The following ZDHHC12 variants were observed in gnomAD, a reference collection of about 807,000 sequenced individuals.
ZDHHC12 encodes palmitoyltransferase ZDHHC12.
Under a neutral mutation model 33.2 loss-of-function variants are expected in ZDHHC12, and 26 were observed. The observed-to-expected ratio is 0.78, with a 90% CI of 0.57 to 1.09. ZDHHC12 has a LOEUF of 1.09. Ranked by LOEUF, ZDHHC12 falls within the 50% of genes least tolerant of loss-of-function variation. The pLI, the probability that ZDHHC12 is intolerant of heterozygous loss-of-function variation, is 0.00. For synonymous variants in ZDHHC12, 154 were observed against 152.1 expected, an observed-to-expected ratio of 1.01 and a Z score of -0.09; for missense variants, 350 against 353.0, an observed-to-expected ratio of 0.99 and a Z score of 0.07.
At position 128,722,897 on chromosome 9, in the gene ZDHHC12, A is replaced by C; in HGVS notation, c.101-323T>G. 1 of 561,852 alleles carries C rather than the reference A, an allele frequency of 1.8e-6. No individual in the cohort carries two copies. The highest frequency in any genetic ancestry group is 2.7e-6 in the Non-Finnish European group (1 of 376,312). The allele number at this position is 561,852 out of a possible 1,614,324, so 34.8% of individuals were successfully genotyped here. On this transcript the variant is annotated intron_variant, in intron 1 of 4. Coordinates refer to ENST00000372663, the MANE Select transcript of ZDHHC12 (RefSeq NM_032799.5). The surrounding 1 kb of genome is among the most constrained non-coding windows in gnomAD (Gnocchi z 4.2). Reference sequence around the variant, plus strand: ...AAGGCCTGGCAGGAAGTGAGGGAGGAAGGAATGGACAGGGGGCTGCTGGGT... The same window carrying C: ...AAGGCCTGGCAGGAAGTGAGGGAGGCAGGAATGGACAGGGGGCTGCTGGGT...
Position 128,721,325 on chromosome 9 carries a change from G to C in ZDHHC12, c.660C>G (p.Ile220Met), listed in dbSNP as rs759248517. The C allele has an allele frequency of 1.3e-6, 2 of 1,592,802 alleles. No individual in the cohort carries two copies. Among genetic ancestry groups the C allele is most frequent in the African/African-American group, 2.7e-5 (2 of 74,702 alleles). ...TTWEFISSHR[I>M]AYLRQRPSNP... is the part of the protein sequence containing the mutation. ...TGCTGGGGCGCTGGCGGAGATAGGC[G>C]ATGCGGTGTGAGGAGATGAATTCCC... The change falls in exon 5 of 5, where the codon ATC (isoleucine) becomes ATG (methionine). Residue 220 changes from isoleucine (I) to methionine (M), a missense_variant. Ile to Met is a conservative substitution (Grantham distance 10). Coordinates refer to ENST00000372663, the MANE Select transcript of ZDHHC12 (RefSeq NM_032799.5). The surrounding 1 kb of genome is among the most constrained non-coding windows in gnomAD (Gnocchi z 6.9).
In ZDHHC12 at chr9:128,721,776, G is replaced by C. The variant is rs114361621; in HGVS notation, c.357C>G (p.Cys119Trp). The C allele has an allele frequency of 4.3e-6, 7 of 1,613,498 alleles. No homozygotes were observed. In the East Asian group the frequency reaches 1.3e-4, roughly 31 times the overall value. ...GGCAGTGGTGGTCGTAGCGGCGGACGCAACGGCGGCACTCACGGCAGTGCC... is the reference window on the plus strand; with the variant it reads ...GGCAGTGGTGGTCGTAGCGGCGGACCCAACGGCGGCACTCACGGCAGTGCC... ...RARHCRECRR[C>W]VRRYDHHCPW... The change falls in exon 4 of 5, where the codon TGC becomes TGG. Residue 119 changes from cysteine (C) to tryptophan (W), a missense_variant. Cys to Trp is a radical substitution (Grantham distance 215). Coordinates refer to ENST00000372663, the MANE Select transcript of ZDHHC12 (RefSeq NM_032799.5). This position sits in a 1 kb window ranked among gnomAD's most constrained non-coding sequence, Gnocchi z 6.9.
rs1428196135 is a variant in ZDHHC12, at chr9:128,721,964, C to T, written c.315+45G>A. The T allele has an allele frequency of 2.5e-6, 4 of 1,612,998 alleles. No homozygotes were observed. The highest frequency in any genetic ancestry group is 3.4e-6 in the Non-Finnish European group (4 of 1,179,570). ...GGGGCAGGAGGAGGTCGAGGAGTCT[C>T]AGCTTTGGCCCAACCTCTCCCACGG... On this transcript the variant is annotated intron_variant, in intron 3 of 4. Coordinates refer to ENST00000372663, the MANE Select transcript of ZDHHC12 (RefSeq NM_032799.5). The surrounding 1 kb of genome is among the most constrained non-coding windows in gnomAD (Gnocchi z 6.9).
At position 128,721,826 on chromosome 9, in the gene ZDHHC12, A is replaced by G. The variant is rs1230386512; in HGVS notation, c.316-9T>C. On this transcript the variant is annotated splice_polypyrimidine_tract_variant and intron_variant, in intron 3 of 4. Coordinates refer to ENST00000372663, the MANE Select transcript of ZDHHC12 (RefSeq NM_032799.5). The surrounding 1 kb of genome is among the most constrained non-coding windows in gnomAD (Gnocchi z 6.9). Reference sequence around the variant, plus strand: ...CGAGCCCTCAGGGGCTGCTGTGGGCATGGAGGAGAGTGGAGGCTCAGTGCC... The same window carrying G: ...CGAGCCCTCAGGGGCTGCTGTGGGCGTGGAGGAGAGTGGAGGCTCAGTGCC... The G allele has an allele frequency of 9.3e-6, 15 of 1,611,742 alleles. No homozygotes were observed. In the South Asian group the frequency reaches 1.5e-4, roughly 17 times the overall value.
Position 128,721,394 on chromosome 9 carries a change from G to T in ZDHHC12, c.591C>A (p.Leu197=). Residue 197 remains leucine (L), a synonymous_variant, in exon 5 of 5, where the codon CTC becomes CTA. Coordinates refer to ENST00000372663, the MANE Select transcript of ZDHHC12 (RefSeq NM_032799.5). This position sits in a 1 kb window ranked among gnomAD's most constrained non-coding sequence, Gnocchi z 6.9. ...LSLFSLVASL[L]LVSHLYLVAS... is the part of the protein sequence containing the mutation. ...CCACCAGGTAGAGGTGCGAGACGAG[G>T]AGCAGGCTGGCCACCAACGAGAAGA... is the stretch of plus-strand genomic sequence containing the variant. 3.8e-6 allele frequency: 6 copies of T among 1,581,128 alleles called. No individual in the cohort carries two copies. The highest frequency in any genetic ancestry group is 5.2e-6 in the Non-Finnish European group (6 of 1,163,744).
At position 128,720,894 on chromosome 9, in the gene ZDHHC12, T is replaced by TTTA. The variant is rs1478712074; in HGVS notation, c.*284_*286dup. 1 of 569,192 alleles carries TTTA rather than the reference T, an allele frequency of 1.8e-6. No individual in the cohort carries two copies. The highest frequency in any genetic ancestry group is 1.9e-5 in the African/African-American group (1 of 53,074). 35.3% of individuals were successfully genotyped at this position (569,192 alleles called of 1,614,324 possible). On this transcript the variant is annotated 3_prime_UTR_variant, in exon 5 of 5. Transcript: ENST00000372663. This position sits in a 1 kb window ranked among gnomAD's most constrained non-coding sequence, Gnocchi z 5.5. Reference sequence around the variant, plus strand: ...TTTGTCTTTTTAAGACTGGACTTGCTTTATATTAAATTTGTAAAAGTGTGC... The same window carrying TTTA: ...TTTGTCTTTTTAAGACTGGACTTGCTTTATTATATTAAATTTGTAAAAGTGTGC...
Position 128,723,897 on chromosome 9 carries a change from G to A in ZDHHC12, c.100+97C>T. ...CTGGTGGAGATCGGGCCAATCCCAG[G>A]ATCTCCAGGGATTAGGCGGGAGACC... On this transcript the variant is annotated intron_variant, in intron 1 of 4. Transcript: ENST00000372663. This position sits in a 1 kb window ranked among gnomAD's most constrained non-coding sequence, Gnocchi z 4.4. The A allele has an allele frequency of 6.6e-7, 1 of 1,509,766 alleles. No individual in the cohort carries two copies. Among genetic ancestry groups the A allele is most frequent in the Middle Eastern group, 1.7e-4 (1 of 5,842 alleles). 93.5% of individuals were successfully genotyped at this position (1,509,766 alleles called of 1,614,324 possible).
At position 128,721,524 on chromosome 9, in the gene ZDHHC12, C is replaced by T; in HGVS notation, c.483-22G>A. The T allele has an allele frequency of 6.3e-7, 1 of 1,596,820 alleles. No homozygotes were observed. Among genetic ancestry groups the T allele is most frequent in the African/African-American group, 1.3e-5 (1 of 74,522 alleles). On this transcript the variant is annotated intron_variant, in intron 4 of 4. Transcript: ENST00000372663. The surrounding 1 kb of genome is among the most constrained non-coding windows in gnomAD (Gnocchi z 6.9). ...TGACCTGCGGTGCAGGGGACAGGGGCCTGGTGCTGGGGGAGGGCAGGGGAG... is the reference window on the plus strand; with the variant it reads ...TGACCTGCGGTGCAGGGGACAGGGGTCTGGTGCTGGGGGAGGGCAGGGGAG...
At position 128,721,521 on chromosome 9, in the gene ZDHHC12, G is replaced by A. The variant is rs1252739874; in HGVS notation, c.483-19C>T. ...GCCTGACCTGCGGTGCAGGGGACAG[G>A]GGCCTGGTGCTGGGGGAGGGCAGGG... On this transcript the variant is annotated intron_variant, in intron 4 of 4. Coordinates refer to ENST00000372663, the MANE Select transcript of ZDHHC12 (RefSeq NM_032799.5). The surrounding 1 kb of genome is among the most constrained non-coding windows in gnomAD (Gnocchi z 6.9). 6.3e-7 allele frequency: 1 copy of A among 1,598,122 alleles called. No homozygotes were observed. Among genetic ancestry groups the A allele is most frequent in the East Asian group, 2.2e-5 (1 of 44,508 alleles).
rs760173156 is a variant in ZDHHC12, at chr9:128,721,567, CGG to C, written c.483-67_483-66del. Reference sequence around the variant, plus strand: ...CAGGGGAGCCCTTCCCTCCCCATGCCGGGTCCCTGGGAGTCCTGGCTCTGTCC... The same window carrying C: ...CAGGGGAGCCCTTCCCTCCCCATGCCGTCCCTGGGAGTCCTGGCTCTGTCC... On this transcript the variant is annotated intron_variant, in intron 4 of 4. Coordinates refer to ENST00000372663, the MANE Select transcript of ZDHHC12 (RefSeq NM_032799.5). The surrounding 1 kb of genome is among the most constrained non-coding windows in gnomAD (Gnocchi z 6.9). 5 of 1,587,766 alleles carry C rather than the reference CGG, an allele frequency of 3.1e-6. No homozygotes were observed. The South Asian group carries it at 5.7e-5, about 18-fold the overall frequency.
Position 128,721,877 on chromosome 9 carries a change from GGGAA to G in ZDHHC12, c.316-64_316-61del. The G allele has an allele frequency of 6.2e-7, 1 of 1,601,798 alleles. No homozygotes were observed. Among genetic ancestry groups the G allele is most frequent in the South Asian group, 1.1e-5 (1 of 89,716 alleles). On this transcript the variant is annotated intron_variant, in intron 3 of 4. Transcript: ENST00000372663. The surrounding 1 kb of genome is among the most constrained non-coding windows in gnomAD (Gnocchi z 6.9). ...AGCCCTGCTGTGGGCCCACCACTGAGGGAAGGAATCAGGGCCTGATTCTGGAAGG... is the reference window on the plus strand; with the variant it reads ...AGCCCTGCTGTGGGCCCACCACTGAGGGAATCAGGGCCTGATTCTGGAAGG...
Position 128,722,161 on chromosome 9 carries a change from G to A in ZDHHC12, c.238-75C>T. On this transcript the variant is annotated intron_variant, in intron 2 of 4. Coordinates refer to ENST00000372663, the MANE Select transcript of ZDHHC12 (RefSeq NM_032799.5). The surrounding 1 kb of genome is among the most constrained non-coding windows in gnomAD (Gnocchi z 4.2). ...GCATTGGCGGGCAGCTCCCCTAGGGGCCGGCTTAGCTCTGGGTATGGAGTT... is the reference window on the plus strand; with the variant it reads ...GCATTGGCGGGCAGCTCCCCTAGGGACCGGCTTAGCTCTGGGTATGGAGTT... The A allele has an allele frequency of 6.4e-7, 1 of 1,560,766 alleles. No individual in the cohort carries two copies. Among genetic ancestry groups the A allele is most frequent in the Admixed American group, 1.7e-5 (1 of 58,902 alleles).
chr9:128,724,064 C>T lies in ZDHHC12; in HGVS notation c.30G>A (p.Gly10=), dbSNP rs564949779. The T allele has an allele frequency of 1.0e-4, 162 of 1,605,096 alleles. 3 individuals carry two copies. In the South Asian group the frequency reaches 1.7e-3, roughly 17 times the overall value. ...CGGTGTGCCCGGTCCGCACCAGGAC[C>T]CCAGGGCTGAGGAGCGCCCAGGGCG... The part of the protein sequence containing the change: MAPWALLSP[G]VLVRTGHTVL... Residue 10 remains glycine, a synonymous_variant, in exon 1 of 5, where the codon GGG becomes GGA. Coordinates refer to ENST00000372663, the MANE Select transcript of ZDHHC12 (RefSeq NM_032799.5).
Position 128,722,420 on chromosome 9 carries a change from G to A in ZDHHC12, c.237+18C>T. The A allele has an allele frequency of 1.3e-6, 2 of 1,486,600 alleles. No homozygotes were observed. Among genetic ancestry groups the A allele is most frequent in the South Asian group, 2.7e-5 (2 of 73,498 alleles). The allele number at this position is 1,486,600 out of a possible 1,614,324, so 92.1% of individuals were successfully genotyped here. A position where few individuals can be genotyped will look rare whatever the true frequency, so the allele number is the denominator to read the frequency against. ...GGTTGTTAGGTCCCTGTTGGTGAGA[G>A]TAGGGGCCCCTGGTTACCTGAGGCT... is the stretch of plus-strand genomic sequence containing the variant. On this transcript the variant is annotated intron_variant, in intron 2 of 4. Coordinates refer to ENST00000372663, the MANE Select transcript of ZDHHC12 (RefSeq NM_032799.5). This position sits in a 1 kb window ranked among gnomAD's most constrained non-coding sequence, Gnocchi z 4.2.
Position 128,724,085 on chromosome 9 carries a change from G to C in ZDHHC12, c.9C>G (p.Pro3=). Residue 3 remains proline (P), a synonymous_variant, in exon 1 of 5, where the codon CCC becomes CCG. Transcript: ENST00000372663. MA[P]WALLSPGVLV... ...GGACCCCAGGGCTGAGGAGCGCCCA[G>C]GGCGCCATCGCCTCGGCCCGGGGCC... is the stretch of plus-strand genomic sequence containing the variant. 1 of 1,582,740 alleles carries C rather than the reference G, an allele frequency of 6.3e-7. No individual in the cohort carries two copies. The highest frequency in any genetic ancestry group is 8.6e-7 in the Non-Finnish European group (1 of 1,161,386).
rs1393226269 is a variant in ZDHHC12 at position 128,722,886 on chromosome 9, A to T, written c.101-312T>A. 1.5e-6 allele frequency: 1 copy of T among 653,444 alleles called. No homozygotes were observed. The highest frequency in any genetic ancestry group is 2.2e-6 in the Non-Finnish European group (1 of 453,434). 40.5% of individuals were successfully genotyped at this position (653,444 alleles called of 1,614,324 possible). A position where few individuals can be genotyped will look rare whatever the true frequency, so the allele number is the denominator to read the frequency against. On this transcript the variant is annotated intron_variant, in intron 1 of 4. Coordinates refer to ENST00000372663, the MANE Select transcript of ZDHHC12 (RefSeq NM_032799.5). This position sits in a 1 kb window ranked among gnomAD's most constrained non-coding sequence, Gnocchi z 4.2. ...GAGTCGCTACAAAGGCCTGGCAGGA[A>T]GTGAGGGAGGAAGGAATGGACAGGG... is the stretch of plus-strand genomic sequence containing the variant.
Position 128,722,360 on chromosome 9 carries a change from C to T in ZDHHC12, c.237+78G>A. ...AGTCACTGAACTGCTCCCACAAGAGCCTGCAGCACAGAGCCTGGCATGGAG... is the reference window on the plus strand; with the variant it reads ...AGTCACTGAACTGCTCCCACAAGAGTCTGCAGCACAGAGCCTGGCATGGAG... On this transcript the variant is annotated intron_variant, in intron 2 of 4. Coordinates refer to ENST00000372663, the MANE Select transcript of ZDHHC12 (RefSeq NM_032799.5). The surrounding 1 kb of genome is among the most constrained non-coding windows in gnomAD (Gnocchi z 4.2). The T allele has an allele frequency of 6.9e-7, 1 of 1,444,278 alleles. No homozygotes were observed. 89.5% of individuals were successfully genotyped at this position (1,444,278 alleles called of 1,614,324 possible). A position where few individuals can be genotyped will look rare whatever the true frequency, so the allele number is the denominator to read the frequency against.
Position 128,721,134 on chromosome 9 carries a change from G to T in ZDHHC12, c.*47C>A. The T allele has an allele frequency of 6.7e-7, 1 of 1,486,168 alleles. No homozygotes were observed. The highest frequency in any genetic ancestry group is 8.9e-7 in the Non-Finnish European group (1 of 1,121,172). The allele number at this position is 1,486,168 out of a possible 1,614,324, so 92.1% of individuals were successfully genotyped here. A position where few individuals can be genotyped will look rare whatever the true frequency, so the allele number is the denominator to read the frequency against. ...GAGCGCTCACCCCAGCTGGGGACAGGCCCCGTGGTTTTCAGGCACAAGACG... is the reference window on the plus strand; with the variant it reads ...GAGCGCTCACCCCAGCTGGGGACAGTCCCCGTGGTTTTCAGGCACAAGACG... On this transcript the variant is annotated 3_prime_UTR_variant, in exon 5 of 5. Transcript: ENST00000372663. The surrounding 1 kb of genome is among the most constrained non-coding windows in gnomAD (Gnocchi z 6.9).
Position 128,722,608 on chromosome 9 carries a change from C to T in ZDHHC12, c.101-34G>A, listed in dbSNP as rs370493669. The T allele has an allele frequency of 4.8e-5, 76 of 1,582,202 alleles. No individual in the cohort carries two copies. The highest frequency in any genetic ancestry group is 3.5e-4 in the African/African-American group (26 of 74,448). ...GCCGGAGAGCACAGTGAGGCTGGGCCGGGTAGAACAGGAGTGGGTGGGGTT... is the reference window on the plus strand; with the variant it reads ...GCCGGAGAGCACAGTGAGGCTGGGCTGGGTAGAACAGGAGTGGGTGGGGTT... On this transcript the variant is annotated intron_variant, in intron 1 of 4. Transcript: ENST00000372663. The surrounding 1 kb of genome is among the most constrained non-coding windows in gnomAD (Gnocchi z 4.2).
Sources: allele counts gnomAD v4.1 joint callset, GRCh38; gene constraint gnomAD v4.1.1; non-coding constraint Gnocchi (gnomAD v3.1); transcripts MANE v1.5; gene names NCBI Gene and HGNC (gene_info 2026-07-23, HGNC 2026-07-21).